The following PNPLA2 variants were observed in gnomAD, a reference collection of about 807,000 sequenced individuals.
PNPLA2 encodes patatin like domain 2, triacylglycerol lipase.
In PNPLA2, 28 loss-of-function variants were observed where a neutral mutation model predicts 39.7. The observed-to-expected ratio is 0.70, with a 90% CI of 0.52 to 0.97. The LOEUF (loss-of-function observed/expected upper bound fraction) is 0.97, where lower values mean the gene tolerates loss of function less well. Ranked by LOEUF, PNPLA2 falls within the 50% of genes least tolerant of loss-of-function variation. The pLI, the probability that PNPLA2 is intolerant of heterozygous loss-of-function variation, is 0.00. For synonymous variants in PNPLA2, 392 were observed against 321.1 expected, an observed-to-expected ratio of 1.22 and a Z score of -2.36; for missense variants, 768 against 698.2, an observed-to-expected ratio of 1.10 and a Z score of -1.13.
chr11:822,274 T>TA, intron 4 of PNPLA2, 123 bp from the exon 5 acceptor site: 1 of 938,582 alleles, frequency 1.1e-6, no homozygotes, highest in South Asian at 1.3e-5. Context: ...GCCCAGTGGG[T>TA]AAAACGCTCA....
chr11:821,185 C>T (rs184646308), intron 2 of PNPLA2: 7 of 248,742 alleles, frequency 2.8e-5, no homozygotes, highest in Admixed American at 5.1e-5. Flanking sequence ...GGTGTGCCTT[C>T]CTAGGAACTG....
chr11:823,728 G>GGCCCCCCCCC lies in PNPLA2; in HGVS notation c.792_793insGCCCCCCCCC (p.Pro265AlafsTer45). On this transcript the variant is annotated frameshift_variant, in exon 7 of 10. Coordinates refer to ENST00000336615, the MANE Select transcript of PNPLA2 (RefSeq NM_020376.4). LOFTEE classifies it high-confidence loss of function. Reference sequence around the variant, plus strand: ...ACCGGCCCAACCCCTTGCTGGCGTTGCCCCCCGCCCGCCCCCACGGCCCAG... The same window carrying GGCCCCCCCCC: ...ACCGGCCCAACCCCTTGCTGGCGTTGGCCCCCCCCCCCCCCCGCCCGCCCCCACGGCCCAG... 2.5e-6 allele frequency: 4 copies of GGCCCCCCCCC among 1,597,140 alleles called. No homozygotes were observed. Among genetic ancestry groups the GGCCCCCCCCC allele is most frequent in the Non-Finnish European group, 3.4e-6 (4 of 1,168,730 alleles).
At position 823,597 on chromosome 11, in the gene PNPLA2, C is replaced by G. The variant is rs780318395; in HGVS notation, c.757+10C>G. 1.9e-6 allele frequency: 3 copies of G among 1,609,202 alleles called. No individual in the cohort carries two copies. Among genetic ancestry groups the G allele is most frequent in the African/African-American group, 2.7e-5 (2 of 74,960 alleles). ...TTTCTGCAGCGGAACGGTGCGCGGA[C>G]CCGGGCGGGAGAGGGCGGGGTGGGC... On this transcript the variant is annotated intron_variant, in intron 6 of 9. Coordinates refer to ENST00000336615, the MANE Select transcript of PNPLA2 (RefSeq NM_020376.4).
intron 5 of PNPLA2, 135 bp from the exon 6 acceptor site, chr11:823,392 T>C (rs1220422858): frequency 3.3e-5 from 27 of 810,042 alleles, no homozygotes; most frequent in Non-Finnish European, 2.1e-6. Context: ...TTGATCTTGT[T>C]CTGGATCTAG....
rs745927123 is a variant in PNPLA2, at chr11:821,985, G to A, written c.448G>A (p.Val150Met). ...QANVCSGFIP[V>M]YCGLIPPSLQ... is the part of the protein sequence containing the mutation. Reference sequence around the variant, plus strand: ...CAATGTCTGCAGCGGTTTCATCCCCGTGTACTGTGGGCTCATCCCTCCCTC... The same window carrying A: ...CAATGTCTGCAGCGGTTTCATCCCCATGTACTGTGGGCTCATCCCTCCCTC... Residue 150 changes from valine to methionine, a missense_variant, in exon 4 of 10, where the codon GTG becomes ATG. Physicochemically the swap from Val to Met is conservative, Grantham distance 21. Coordinates refer to ENST00000336615, the MANE Select transcript of PNPLA2 (RefSeq NM_020376.4). 32 of 1,613,690 alleles carry A rather than the reference G, an allele frequency of 2.0e-5. No homozygotes were observed. The Middle Eastern group carries it at 4.9e-4, about 25-fold the overall frequency.
chr11:821,251 C>T (rs1845655466), intron 2 of PNPLA2: 2 of 338,958 alleles, frequency 5.9e-6, no homozygotes, highest in Non-Finnish European at 1.1e-5. Flanking sequence ...GACCTGTGTG[C>T]CGGGATGGGT....
chr11:824,840 T>A lies in PNPLA2; in HGVS notation c.1493T>A (p.Val498Glu). The change falls in exon 10 of 10, where the codon GTG becomes GAG. Residue 498 changes from valine to glutamate, a missense_variant. Transcript: ENST00000336615. ...LSTPAPEARP[V>E]IGALGL The stretch of plus-strand genomic sequence containing the variant: ...ACCCCTGCTCCCGAGGCCCGGCCCG[T>A]GATCGGGGCCCTGGGGCTGTGAGAC... The A allele has an allele frequency of 6.5e-7, 1 of 1,534,466 alleles. No homozygotes were observed. Among genetic ancestry groups the A allele is most frequent in the Admixed American group, 2.0e-5 (1 of 50,940 alleles).
rs778990147 is a variant in PNPLA2, at chr11:824,585, C to T, written c.1238C>T (p.Ala413Val). 1.8e-5 allele frequency: 29 copies of T among 1,581,968 alleles called. No individual in the cohort carries two copies. In the East Asian group the frequency reaches 6.4e-4, roughly 35 times the overall value. Residue 413 changes from alanine to valine, a missense_variant, in exon 10 of 10, where the codon GCC (alanine) becomes GTC (valine). Ala to Val is a moderately conservative substitution (Grantham distance 64). Coordinates refer to ENST00000336615, the MANE Select transcript of PNPLA2 (RefSeq NM_020376.4). ...CTGCCGTCCGTGCCGCTGTCCTGCG[C>T]CGCCTACAGAGAGGCACTGCCCGGC... ...QSLPSVPLSCAAYREALPGWM... is the reference protein window; with the variant it reads ...QSLPSVPLSCVAYREALPGWM...
chr11:822,819 TC>T (rs1353525431), intron 5 of PNPLA2, among the ~76,000 whole-genome samples: 4 of 102,086 alleles, frequency 3.9e-5, no homozygotes, highest in South Asian at 2.6e-4. Flanking sequence ...AGTCTCTCTC[TC>T]TTTTTTTTTT....
intron 5 of PNPLA2, among the ~76,000 whole-genome samples, chr11:823,013 A>G (rs1340298548): frequency 6.6e-6 from 1 of 151,032 alleles, no homozygotes; most frequent in African/African-American, 2.4e-5. Context: ...TTAGTAAAGA[A>G]ATAGGGTTTC....
chr11:824,310 C>T lies in PNPLA2; in HGVS notation c.1053-4C>T, dbSNP rs1276174340. ...CCTGAACGCGCCGCTCGCCCTGTCC[C>T]CAGCTTGCTGGAGTGGCTGCCCGAC... On this transcript the variant is annotated splice_polypyrimidine_tract_variant and splice_region_variant and intron_variant, in intron 8 of 9. Transcript: ENST00000336615. 1.3e-6 allele frequency: 2 copies of T among 1,551,138 alleles called. No homozygotes were observed. The highest frequency in any genetic ancestry group is 2.4e-5 in the South Asian group (2 of 84,104).
At position 825,539 on chromosome 11, in the gene PNPLA2, A is replaced by G. The variant is rs1845862009; in HGVS notation, c.*677A>G. On this transcript the variant is annotated 3_prime_UTR_variant, in exon 10 of 10. Coordinates refer to ENST00000336615, the MANE Select transcript of PNPLA2 (RefSeq NM_020376.4). ...GCCAATGGAAATATTTGGGACCAAG[A>G]TTCTTGGTAAATAAAAACGAAAATG... The G allele has an allele frequency of 6.6e-6, 1 of 151,954 alleles. No homozygotes were observed. The allele number at this position is 151,954 out of a possible 1,614,324, so 9.4% of individuals were successfully genotyped here.
rs559220187 is a variant in PNPLA2, at chr11:819,565, C to G, written c.-145-9C>G. Reference sequence around the variant, plus strand: ...ACTTAAAAGCGCCGCCTCCGCGCCGCCCGCGTAGCTTCTTCGCCTCCGCCA... The same window carrying G: ...ACTTAAAAGCGCCGCCTCCGCGCCGGCCGCGTAGCTTCTTCGCCTCCGCCA... On this transcript the variant is annotated splice_polypyrimidine_tract_variant and intron_variant, in intron 1 of 9. Coordinates refer to ENST00000336615, the MANE Select transcript of PNPLA2 (RefSeq NM_020376.4). 58 of 1,291,800 alleles carry G rather than the reference C, an allele frequency of 4.5e-5. No homozygotes were observed. Among genetic ancestry groups the G allele is most frequent in the African/African-American group, 4.1e-4 (26 of 64,136 alleles). The allele number at this position is 1,291,800 out of a possible 1,614,324, so 80.0% of individuals were successfully genotyped here. A position where few individuals can be genotyped will look rare whatever the true frequency, so the allele number is the denominator to read the frequency against.
intron 2 of PNPLA2, among the ~76,000 whole-genome samples, 153 bp downstream of exon 2, chr11:820,058 A>C (rs1353523574): frequency 6.6e-6 from 1 of 151,600 alleles, no homozygotes; most frequent in Non-Finnish European, 1.5e-5. Flanking sequence ...CGAGGATCCA[A>C]TCCGGGTCGC....
Position 821,840 on chromosome 11 carries a change from T to C in PNPLA2, c.400T>C (p.Ser134Pro). 4.3e-6 allele frequency: 7 copies of C among 1,613,696 alleles called. No individual in the cohort carries two copies. Among genetic ancestry groups the C allele is most frequent in the Non-Finnish European group, 5.9e-6 (7 of 1,179,914 alleles). ...GAATGTCATTATATCCCACTTCAAC[T>C]CCAAGGACGAGCTCATCCAGGTGGG... is the stretch of plus-strand genomic sequence containing the variant. ...GENVIISHFN[S>P]KDELIQANVC... is the part of the protein sequence containing the mutation. Residue 134 changes from serine to proline, a missense_variant, in exon 3 of 10, where the codon TCC becomes CCC. Transcript: ENST00000336615.
rs755967977 is a variant in PNPLA2, at chr11:819,758, G to A, written c.40G>A (p.Gly14Ser). 8.6e-6 allele frequency: 13 copies of A among 1,513,388 alleles called. No homozygotes were observed. Among genetic ancestry groups the A allele is most frequent in the Non-Finnish European group, 1.1e-5 (12 of 1,131,324 alleles). The allele number at this position is 1,513,388 out of a possible 1,614,324, so 93.7% of individuals were successfully genotyped here. A position where few individuals can be genotyped will look rare whatever the true frequency, so the allele number is the denominator to read the frequency against. Residue 14 changes from glycine (G) to serine (S), a missense_variant, in exon 2 of 10, where the codon GGC (glycine) becomes AGC (serine). By Grantham distance (56) the Gly-to-Ser change is moderately conservative. Coordinates refer to ENST00000336615, the MANE Select transcript of PNPLA2 (RefSeq NM_020376.4). ...GAAGACGTGGAACATCTCGTTCGCGGGCTGCGGCTTCCTCGGCGTCTACTA... is the reference window on the plus strand; with the variant it reads ...GAAGACGTGGAACATCTCGTTCGCGAGCTGCGGCTTCCTCGGCGTCTACTA... ...REKTWNISFA[G>S]CGFLGVYYVG...
Position 819,615 on chromosome 11 carries a change from A to G in PNPLA2, c.-104A>G, listed in dbSNP as rs1358079229. The G allele has an allele frequency of 7.7e-7, 1 of 1,296,938 alleles. No individual in the cohort carries two copies. The highest frequency in any genetic ancestry group is 1.6e-5 in the African/African-American group (1 of 64,082). 80.3% of individuals were successfully genotyped at this position (1,296,938 alleles called of 1,614,324 possible). A position where few individuals can be genotyped will look rare whatever the true frequency, so the allele number is the denominator to read the frequency against. ...AGCGGGGACCCCGAGCTAGAGCCGCAGCGGGACCTGCCCGGCCCCCGGCTC... is the reference window on the plus strand; with the variant it reads ...AGCGGGGACCCCGAGCTAGAGCCGCGGCGGGACCTGCCCGGCCCCCGGCTC... On this transcript the variant is annotated 5_prime_UTR_variant, in exon 2 of 10. Coordinates refer to ENST00000336615, the MANE Select transcript of PNPLA2 (RefSeq NM_020376.4).
At position 824,556 on chromosome 11, in the gene PNPLA2, G is replaced by T; in HGVS notation, c.1209G>T (p.Gln403His). 1 of 1,561,930 alleles carries T rather than the reference G, an allele frequency of 6.4e-7. No individual in the cohort carries two copies. Among genetic ancestry groups the T allele is most frequent in the Non-Finnish European group, 8.6e-7 (1 of 1,157,848 alleles). The change falls in exon 10 of 10, where the codon CAG becomes CAT. Residue 403 changes from glutamine (Q) to histidine (H), a missense_variant. Physicochemically the swap from Gln to His is conservative, Grantham distance 24. Coordinates refer to ENST00000336615, the MANE Select transcript of PNPLA2 (RefSeq NM_020376.4). Reference sequence around the variant, plus strand: ...AGCAGGTGGAGCTGCGCCGCGTCCAGTCGCTGCCGTCCGTGCCGCTGTCCT... The same window carrying T: ...AGCAGGTGGAGCTGCGCCGCGTCCATTCGCTGCCGTCCGTGCCGCTGTCCT... ...LPEQVELRRVQSLPSVPLSCA... is the reference protein window; with the variant it reads ...LPEQVELRRVHSLPSVPLSCA...
rs1186794615 is a variant in PNPLA2, at chr11:824,783, A to C, written c.1436A>C (p.His479Pro). 6.5e-7 allele frequency: 1 copy of C among 1,537,566 alleles called. No individual in the cohort carries two copies. Reference sequence around the variant, plus strand: ...CCCGCGGACCCAGCATCCCCGCAGCACCAGCTGGCCGGGCCTGCCCCCTTG... The same window carrying C: ...CCCGCGGACCCAGCATCCCCGCAGCCCCAGCTGGCCGGGCCTGCCCCCTTG... ...PAPADPASPQ[H>P]QLAGPAPLLS... The change falls in exon 10 of 10, where the codon CAC becomes CCC. Residue 479 changes from histidine to proline, a missense_variant. By Grantham distance (77) the His-to-Pro change is moderately conservative. Coordinates refer to ENST00000336615, the MANE Select transcript of PNPLA2 (RefSeq NM_020376.4).
Sources: gnomAD v4.1 joint callset for allele counts (sites outside exome capture counted in the v4.1 genomes callset) on GRCh38, gnomAD v4.1.1 for gene constraint, MANE v1.5 for transcripts, NCBI Gene and HGNC (gene_info 2026-07-23, HGNC 2026-07-21) for gene names.